The following FARP1 variants were observed in gnomAD, a reference collection of about 807,000 sequenced individuals.
FARP1 encodes FERM, ARH/RhoGEF and pleckstrin domain protein 1.
Under a neutral mutation model 128.8 loss-of-function variants are expected in FARP1, and 52 were observed. The observed-to-expected ratio is 0.40, with a 90% CI of 0.32 to 0.51. FARP1 has a LOEUF of 0.51. FARP1 is among the 20% of genes least tolerant of loss of function. The probability of loss-of-function intolerance (pLI) is 0.45; values close to 1 mark genes in which losing one functional copy is unlikely to be tolerated. For missense variants in FARP1, 1,333 were observed against 1,367.9 expected (o/e 0.97, Z 0.40); for synonymous variants, 580 against 551.8 (o/e 1.05, Z -0.72).
chr13:98,341,260 C>T (rs1209798239), intron 2 of FARP1, among the ~76,000 whole-genome samples: 1 of 152,062 alleles, frequency 6.6e-6, no homozygotes, highest in Non-Finnish European at 1.5e-5. Flanking sequence ...GGCTTTGACT[C>T]CTGCTGTCAC....
Position 98,176,836 on chromosome 13 carries a change from AC to A in FARP1, c.-24+33347del, listed in dbSNP as rs1312089964. ...CTCCCGACCCCGCAGTGCCTCCTGGACCCGCTGGCTGCACTTGAGGATGGTC... is the reference window on the plus strand; with the variant it reads ...CTCCCGACCCCGCAGTGCCTCCTGGACCGCTGGCTGCACTTGAGGATGGTC... On this transcript the variant is annotated intron_variant, in intron 1 of 26. Coordinates refer to ENST00000319562, the MANE Select transcript of FARP1 (RefSeq NM_005766.4). This position sits in a 1 kb window ranked among gnomAD's most constrained non-coding sequence, Gnocchi z 6.2. The A allele has an allele frequency of 6.2e-7, 1 of 1,608,256 alleles. No homozygotes were observed. Among genetic ancestry groups the A allele is most frequent in the Admixed American group, 1.7e-5 (1 of 59,312 alleles).
intron 1 of FARP1, among the ~76,000 whole-genome samples, chr13:98,171,922 C>T (rs1877682835): frequency 6.6e-6 from 1 of 152,192 alleles, no homozygotes; most frequent in South Asian, 2.1e-4. Context: ...ATTTTCTTCC[C>T]TATCACACAG....
chr13:98,435,397 A>C (rs2139081921), intron 18 of FARP1, 179 bp from the exon 19 acceptor site: 2 of 598,380 alleles, frequency 3.3e-6, no homozygotes, highest in Middle Eastern at 4.6e-4. Context: ...GCAAATAAAT[A>C]CAGAAAATAC....
chr13:98,379,545 T>C (rs1302666578), intron 6 of FARP1, among the ~76,000 whole-genome samples: 3 of 151,996 alleles, frequency 2.0e-5, no homozygotes, highest in African/African-American at 7.3e-5. Flanking sequence ...CATAAGGCTG[T>C]AAAAATTAAA....
chr13:98,186,072 C>T, intron 1 of FARP1, among the ~76,000 whole-genome samples: 1 of 152,128 alleles, frequency 6.6e-6, no homozygotes, highest in Non-Finnish European at 1.5e-5. Flanking sequence ...GTGCCACCAT[C>T]ACCATCATCT....
chr13:98,164,947 G>A (rs151316150), intron 1 of FARP1, among the ~76,000 whole-genome samples: 2 of 152,250 alleles, frequency 1.3e-5, no homozygotes, highest in African/African-American at 2.4e-5. Flanking sequence ...GAGCGTGTTG[G>A]TGCATGACTG....
chr13:98,267,004 C>T (rs1292082571), intron 2 of FARP1, among the ~76,000 whole-genome samples: 1 of 135,608 alleles, frequency 7.4e-6, no homozygotes, highest in Non-Finnish European at 1.5e-5. Flanking sequence ...ATGGTCAAGA[C>T]TCCCATCTCA....
At chr13:98,164,268 G>A (rs1396048855) in intron 1 of FARP1, among the ~76,000 whole-genome samples, 7 of 152,160 alleles carry the variant, frequency 4.6e-5, no homozygotes, top group East Asian at 3.9e-4. Context: ...GGGGCGTGGC[G>A]TTTGTTTTCA....
At chr13:98,322,331 T>C (rs1887031994) in intron 2 of FARP1, among the ~76,000 whole-genome samples, 1 of 152,080 alleles carries the variant, frequency 6.6e-6, no homozygotes, top group Non-Finnish European at 1.5e-5. Context: ...GTGCCTGGCA[T>C]AGGACTTAGG....
At chr13:98,433,948 C>T (rs931132688) in intron 18 of FARP1, 11 of 152,232 alleles carry the variant, frequency 7.2e-5, no homozygotes, top group African/African-American at 2.7e-4. Context: ...CCCCTCCTGG[C>T]TCTGAGGACT....
At chr13:98,265,446 A>G (rs1324117706) in intron 2 of FARP1, among the ~76,000 whole-genome samples, 2 of 146,348 alleles carry the variant, frequency 1.4e-5, no homozygotes, top group Non-Finnish European at 3.0e-5. Context: ...CAGCCTCCCA[A>G]GTAGCTGGGA....
intron 2 of FARP1, among the ~76,000 whole-genome samples, chr13:98,325,568 G>T (rs1887194081): frequency 2.0e-5 from 3 of 152,208 alleles, no homozygotes; most frequent in Non-Finnish European, 4.4e-5. Context: ...GAGAAATGCT[G>T]ATCTTCCCTG....
intron 2 of FARP1, among the ~76,000 whole-genome samples, chr13:98,219,580 C>T (rs1403078552): frequency 8.5e-5 from 13 of 152,108 alleles, no homozygotes; most frequent in Admixed American, 3.3e-4. Flanking sequence ...GCAGTCCTCC[C>T]GTTTGGCCTC....
At chr13:98,294,219 T>C (rs1356608807) in intron 2 of FARP1, among the ~76,000 whole-genome samples, 1 of 152,178 alleles carries the variant, frequency 6.6e-6, no homozygotes, top group Admixed American at 6.5e-5. Context: ...CACAGCTCCG[T>C]GAAATTTAAC....
rs1890244273 is a variant in FARP1, at chr13:98,389,946, T to C, written c.856-11T>C. 6.2e-7 allele frequency: 1 copy of C among 1,613,476 alleles called. No homozygotes were observed. Among genetic ancestry groups the C allele is most frequent in the Non-Finnish European group, 8.5e-7 (1 of 1,179,804 alleles). ...AATGGAAAAAACCACCGTTGTATTT[T>C]CCCTTTTTAGAGTGCGTACCAGGAT... On this transcript the variant is annotated splice_polypyrimidine_tract_variant and intron_variant, in intron 9 of 26. Transcript: ENST00000319562.
intron 1 of FARP1, among the ~76,000 whole-genome samples, chr13:98,161,524 T>C (rs1876884298): frequency 1.3e-5 from 2 of 152,014 alleles, no homozygotes. Flanking sequence ...GCAGCTTCAG[T>C]AGTCTTTAAG....
intron 2 of FARP1, among the ~76,000 whole-genome samples, chr13:98,335,809 G>T (rs1029603190): frequency 6.6e-6 from 1 of 152,162 alleles, no homozygotes; most frequent in Non-Finnish European, 1.5e-5. Context: ...GTGGGTTATA[G>T]GATTTTGAAC....
At chr13:98,272,225 T>C (rs897048117) in intron 2 of FARP1, among the ~76,000 whole-genome samples, 23 of 152,104 alleles carry the variant, frequency 1.5e-4, no homozygotes, top group African/African-American at 5.3e-4. Context: ...AGATGGAGTT[T>C]CACCATGTTG....
intron 2 of FARP1, among the ~76,000 whole-genome samples, chr13:98,287,256 A>G (rs1429154276): frequency 3.5e-5 from 3 of 86,146 alleles, no homozygotes; most frequent in African/African-American, 4.6e-5. Flanking sequence ...TTTGAGATGG[A>G]GTCTTGCTCT....
Sources: gnomAD v4.1 joint callset for allele counts (sites outside exome capture counted in the v4.1 genomes callset) on GRCh38, gnomAD v4.1.1 for gene constraint, Gnocchi (gnomAD v3.1) non-coding constraint, MANE v1.5 for transcripts, NCBI Gene and HGNC (gene_info 2026-07-23, HGNC 2026-07-21) for gene names.